PROSER2: variants seen among roughly 807,000 people sequenced by gnomAD.
PROSER2 encodes proline and serine-rich protein 2.
In PROSER2, 18 loss-of-function variants were observed where a neutral mutation model predicts 14.6. That is an observed-to-expected ratio of 1.23 (90% CI 0.85 to 1.83). The LOEUF is 1.83. Among genes scored for constraint, PROSER2 ranks in the 40% most tolerant of loss-of-function variants. PROSER2 has a pLI of 0.00. For synonymous variants in PROSER2, 367 were observed against 286.4 expected (o/e 1.28, Z -2.84); for missense variants, 823 against 629.8 (o/e 1.31, Z -3.28).
chr10:11,831,473 G>T (rs974318501), intron 1 of PROSER2, among the ~76,000 whole-genome samples: 26 of 152,302 alleles, frequency 1.7e-4, no homozygotes, highest in African/African-American at 5.8e-4. Context: ...CATACCAGCT[G>T]TCCATTTTTC....
Position 11,836,883 on chromosome 10 carries a change from A to G in PROSER2, c.-82+13413A>G, listed in dbSNP as rs1305721459. Among the ~76,000 whole-genome samples the G allele has an allele frequency of 5.3e-5, 8 of 152,208 alleles. No individual in the cohort carries two copies. The highest frequency in any genetic ancestry group is 2.0e-4 in the Admixed American group (3 of 15,282). ...TTGCAGTCAACCGTGGTCCAAAAATATGCGATGGAAAATTCCAGAAATAAA... is the reference window on the plus strand; with the variant it reads ...TTGCAGTCAACCGTGGTCCAAAAATGTGCGATGGAAAATTCCAGAAATAAA... On this transcript the variant is annotated intron_variant, in intron 1 of 3. Transcript: ENST00000277570. This position sits in a 1 kb window ranked among gnomAD's most constrained non-coding sequence, Gnocchi z 4.6.
chr10:11,840,982 ATATATAT>A (rs1205110960), intron 1 of PROSER2, among the ~76,000 whole-genome samples: 32 of 115,840 alleles, frequency 2.8e-4, no homozygotes, highest in African/African-American at 8.6e-4. Context: ...ATATATATAT[ATATATAT>A]ATGATGGTGG....
At position 11,830,203 on chromosome 10, in the gene PROSER2, C is replaced by A. The variant is rs1833672735; in HGVS notation, c.-82+6733C>A. ...CATGGACCTTCCCACCTTTTGGAGTCTCCCGTGTCCATTATTTCACTCTGT... is the reference window on the plus strand; with the variant it reads ...CATGGACCTTCCCACCTTTTGGAGTATCCCGTGTCCATTATTTCACTCTGT... On this transcript the variant is annotated intron_variant, in intron 1 of 3. Transcript: ENST00000277570. The surrounding 1 kb of genome is among the most constrained non-coding windows in gnomAD (Gnocchi z 4.5). Among the ~76,000 whole-genome samples, 1 of 152,172 alleles carries A rather than the reference C, an allele frequency of 6.6e-6. No homozygotes were observed. Among genetic ancestry groups the A allele is most frequent in the African/African-American group, 2.4e-5 (1 of 41,430 alleles).
rs1423765335 is a variant in PROSER2 at position 11,866,499 on chromosome 10, T to C, written c.139-32T>C. On this transcript the variant is annotated intron_variant, in intron 2 of 3. Transcript: ENST00000277570. This position sits in a 1 kb window ranked among gnomAD's most constrained non-coding sequence, Gnocchi z 6.0. ...TCTTTAGTGAAGCCAGTGTTTGTTT[T>C]CTCTCTTCTGTTCCCAATCCCTGTA... 3 of 1,608,108 alleles carry C rather than the reference T, an allele frequency of 1.9e-6. No individual in the cohort carries two copies. The highest frequency in any genetic ancestry group is 8.5e-7 in the Non-Finnish European group (1 of 1,176,380).
At chr10:11,827,388 T>C (rs1329328258) in intron 1 of PROSER2, among the ~76,000 whole-genome samples, 1 of 152,192 alleles carries the variant, frequency 6.6e-6, no homozygotes, top group Non-Finnish European at 1.5e-5. Flanking sequence ...AAATTTTGCA[T>C]GTGACTAAGT....
chr10:11,842,039 A>G (rs991352226), intron 1 of PROSER2, among the ~76,000 whole-genome samples: 1 of 152,136 alleles, frequency 6.6e-6, no homozygotes, highest in African/African-American at 2.4e-5. Flanking sequence ...CCTGGGCAAC[A>G]TGTGGAACCC....
intron 2 of PROSER2, among the ~76,000 whole-genome samples, chr10:11,853,041 A>C (rs545832490): frequency 6.6e-6 from 1 of 151,978 alleles, no homozygotes; most frequent in Non-Finnish European, 1.5e-5. Context: ...CATGACACTC[A>C]CTCCTAGAGG....
chr10:11,825,192 CT>C (rs1833594740), intron 1 of PROSER2, among the ~76,000 whole-genome samples: 1 of 152,150 alleles, frequency 6.6e-6, no homozygotes, highest in African/African-American at 2.4e-5. Flanking sequence ...GCCTGGAAAC[CT>C]GAAGGGGGAG....
intron 2 of PROSER2, among the ~76,000 whole-genome samples, chr10:11,855,144 T>C (rs1402711630): frequency 6.7e-6 from 1 of 149,842 alleles, no homozygotes; most frequent in Non-Finnish European, 1.5e-5. Flanking sequence ...ATAGAGGTTT[T>C]TTGTTTTTTT....
At chr10:11,825,221 A>G (rs1281527556) in intron 1 of PROSER2, among the ~76,000 whole-genome samples, 1 of 148,666 alleles carries the variant, frequency 6.7e-6, no homozygotes, top group African/African-American at 2.5e-5. Context: ...GGGCCTGCGT[A>G]GAGCAGAGCT....
chr10:11,846,129 G>T (rs915121215), intron 1 of PROSER2, among the ~76,000 whole-genome samples: 2 of 152,108 alleles, frequency 1.3e-5, no homozygotes, highest in Non-Finnish European at 2.9e-5. Context: ...TGGGATTATA[G>T]GTGTGCCCCA....
Position 11,869,597 on chromosome 10 carries a change from A to AC in PROSER2, c.504dup (p.Asp169ArgfsTer159). 6.3e-7 allele frequency: 1 copy of AC among 1,591,430 alleles called. No individual in the cohort carries two copies. Among genetic ancestry groups the AC allele is most frequent in the Non-Finnish European group, 8.6e-7 (1 of 1,166,780 alleles). On this transcript the variant is annotated frameshift_variant, in exon 4 of 4. Coordinates refer to ENST00000277570, the MANE Select transcript of PROSER2 (RefSeq NM_153256.4). LOFTEE classifies it low-confidence loss of function (END_TRUNC). The surrounding 1 kb of genome is among the most constrained non-coding windows in gnomAD (Gnocchi z 4.4). ...TCTTGCGCCACCACCCCTGCCTAGCACCCCCGATCCCCCCAGGAGGGAGCT... is the reference window on the plus strand; with the variant it reads ...TCTTGCGCCACCACCCCTGCCTAGCACCCCCCGATCCCCCCAGGAGGGAGCT...
Position 11,869,853 on chromosome 10 carries a change from G to C in PROSER2, c.755G>C (p.Arg252Pro). The C allele has an allele frequency of 6.3e-7, 1 of 1,590,590 alleles. No homozygotes were observed. The highest frequency in any genetic ancestry group is 8.5e-7 in the Non-Finnish European group (1 of 1,170,802). Residue 252 changes from arginine (R) to proline (P), a missense_variant, in exon 4 of 4, where the codon CGC becomes CCC. By Grantham distance (103) the Arg-to-Pro change is moderately radical. Coordinates refer to ENST00000277570, the MANE Select transcript of PROSER2 (RefSeq NM_153256.4). This position sits in a 1 kb window ranked among gnomAD's most constrained non-coding sequence, Gnocchi z 4.4. ...PSHPAQPKAP[R>P]FPSNIIVTNG... is the part of the protein sequence containing the mutation. ...CACCCGGCGCAGCCCAAGGCACCCC[G>C]CTTCCCCAGCAACATCATCGTCACC... is the stretch of plus-strand genomic sequence containing the variant.
At position 11,865,070 on chromosome 10, in the gene PROSER2, C is replaced by CT. The variant is rs1834319315; in HGVS notation, c.139-1460dup. Among the ~76,000 whole-genome samples the CT allele has an allele frequency of 6.6e-6, 1 of 152,126 alleles. No individual in the cohort carries two copies. The highest frequency in any genetic ancestry group is 1.5e-5 in the Non-Finnish European group (1 of 68,024). ...TTTCAGTTTGGAAACTCACCTGTTC[C>CT]TGTTTAGGGGCATTTCCCTGAATTA... On this transcript the variant is annotated intron_variant, in intron 2 of 3. Coordinates refer to ENST00000277570, the MANE Select transcript of PROSER2 (RefSeq NM_153256.4). The surrounding 1 kb of genome is among the most constrained non-coding windows in gnomAD (Gnocchi z 4.2).
chr10:11,855,390 T>C (rs913860978), intron 2 of PROSER2, among the ~76,000 whole-genome samples: 17 of 147,060 alleles, frequency 1.2e-4, no homozygotes, highest in Non-Finnish European at 1.9e-4. Context: ...AGGAGAATGG[T>C]GTGAACCCGG....
In PROSER2 at chr10:11,844,811, A is replaced by G. The variant is rs535775465; in HGVS notation, c.-81-7186A>G. 3.3e-5 allele frequency among the ~76,000 whole-genome samples: 5 copies of G among 152,268 alleles called. No homozygotes were observed. In the South Asian group the frequency reaches 8.3e-4, roughly 25 times the overall value. ...TAATACTTGTGTTTTTACTAGAGACAGGGTTTCACCATGTTGGCCAGGCTG... is the reference window on the plus strand; with the variant it reads ...TAATACTTGTGTTTTTACTAGAGACGGGGTTTCACCATGTTGGCCAGGCTG... On this transcript the variant is annotated intron_variant, in intron 1 of 3. Transcript: ENST00000277570.
intron 2 of PROSER2, among the ~76,000 whole-genome samples, chr10:11,860,498 C>A (rs904533818): frequency 1.3e-4 from 19 of 151,884 alleles, no homozygotes; most frequent in African/African-American, 4.6e-4. Flanking sequence ...TGCCTGTAAT[C>A]CCAGCTACTC....
At chr10:11,829,055 C>A (rs1189885735) in intron 1 of PROSER2, among the ~76,000 whole-genome samples, 1 of 151,990 alleles carries the variant, frequency 6.6e-6, no homozygotes, top group Non-Finnish European at 1.5e-5. Flanking sequence ...GCCTTCCAGT[C>A]GGGGGCATGG....
At chr10:11,833,235 C>CTTTTTTTTTTGTTTTTTT (rs1833711751) in intron 1 of PROSER2, among the ~76,000 whole-genome samples, 1 of 87,668 alleles carries the variant, frequency 1.1e-5, no homozygotes, top group African/African-American at 4.8e-5. Flanking sequence ...AATGTTGTGG[C>CTTTTTTTTTTGTTTTTTT]TTTTTTTTTT....
Sources: gnomAD v4.1 joint callset for allele counts (sites outside exome capture counted in the v4.1 genomes callset) on GRCh38, gnomAD v4.1.1 for gene constraint, Gnocchi (gnomAD v3.1) non-coding constraint, MANE v1.5 for transcripts, NCBI Gene and HGNC (gene_info 2026-07-23, HGNC 2026-07-21) for gene names.